EFCAB6: variants seen among roughly 807,000 people sequenced by gnomAD.
EFCAB6 encodes EF-hand calcium binding domain 6.
Under a neutral mutation model 169.8 loss-of-function variants are expected in EFCAB6, and 156 were observed. That is an observed-to-expected ratio of 0.92 (90% CI 0.81 to 1.05). EFCAB6 has a LOEUF of 1.05. Ranked by LOEUF, EFCAB6 falls within the 50% of genes least tolerant of loss-of-function variation. The pLI is 0.00. For missense variants in EFCAB6, 1,800 were observed against 1,829.1 expected (o/e 0.98, Z 0.29); for synonymous variants, 698 against 676.4 (o/e 1.03, Z -0.50).
rs1280746684 is a variant in EFCAB6, at chr22:43,537,747, G to C, written c.3880-202C>G. The stretch of plus-strand genomic sequence containing the variant: ...GGTGGGCTATATGTACTTATGCCAA[G>C]CCATAATAACCAAAATAATTTTGGA... On this transcript the variant is annotated intron_variant, in intron 28 of 31. Coordinates refer to ENST00000262726, the MANE Select transcript of EFCAB6 (RefSeq NM_022785.4). This position sits in a 1 kb window ranked among gnomAD's most constrained non-coding sequence, Gnocchi z 4.3. Among the ~76,000 whole-genome samples the C allele has an allele frequency of 2.0e-5, 3 of 152,114 alleles. No individual in the cohort carries two copies. The highest frequency in any genetic ancestry group is 7.2e-5 in the African/African-American group (3 of 41,414).
chr22:43,676,096 G>GA (rs1448301477), intron 13 of EFCAB6, among the ~76,000 whole-genome samples: 2 of 151,814 alleles, frequency 1.3e-5, no homozygotes, highest in African/African-American at 4.8e-5. Context: ...ACGTGAAGCT[G>GA]AAAAAATGGA....
At chr22:43,771,300 A>T (rs1450943864) in intron 4 of EFCAB6, among the ~76,000 whole-genome samples, 1 of 152,134 alleles carries the variant, frequency 6.6e-6, no homozygotes, top group Non-Finnish European at 1.5e-5. Flanking sequence ...GCATGGTGGC[A>T]CATGCCTGTA....
At chr22:43,595,803 A>G (rs1485389659) in intron 23 of EFCAB6, among the ~76,000 whole-genome samples, 1 of 152,158 alleles carries the variant, frequency 6.6e-6, no homozygotes, top group African/African-American at 2.4e-5. Flanking sequence ...CAAAAAGAAA[A>G]CTACAGGCCA....
At chr22:43,693,869 C>A (rs2147206025) in intron 10 of EFCAB6, among the ~76,000 whole-genome samples, 1 of 151,910 alleles carries the variant, frequency 6.6e-6, no homozygotes, top group Non-Finnish European at 1.5e-5. Context: ...ATTTTAAAAG[C>A]AATGTTTATA....
intron 8 of EFCAB6, among the ~76,000 whole-genome samples, chr22:43,723,915 C>T (rs1449242258): frequency 1.3e-5 from 2 of 152,232 alleles, no homozygotes; most frequent in East Asian, 3.8e-4. Flanking sequence ...TGCCAAAAAC[C>T]ATTCTGCCTT....
chr22:43,773,400 A>G (rs1216324556), intron 3 of EFCAB6, among the ~76,000 whole-genome samples: 1 of 152,272 alleles, frequency 6.6e-6, no homozygotes, highest in Non-Finnish European at 1.5e-5. Flanking sequence ...TATTGAAAGA[A>G]AATTTAGTCA....
chr22:43,630,729 C>T (rs971069098), intron 19 of EFCAB6, among the ~76,000 whole-genome samples: 1 of 152,178 alleles, frequency 6.6e-6, no homozygotes, highest in African/African-American at 2.4e-5. Flanking sequence ...CCACCCAGCT[C>T]GGCTCTCCTT....
chr22:43,683,815 T>A lies in EFCAB6; in HGVS notation c.1183A>T (p.Thr395Ser), dbSNP rs1169177205. Reference protein sequence around the residue: ...RNESHKENIITKLFRHTEDHS... With the variant: ...RNESHKENIISKLFRHTEDHS... Reference sequence around the variant, plus strand: ...TCTTCAGTGTGTCTAAATAACTTTGTGATGATGTTTTCCTTGTGAGATTCA... The same window carrying A: ...TCTTCAGTGTGTCTAAATAACTTTGAGATGATGTTTTCCTTGTGAGATTCA... Residue 395 changes from threonine (T) to serine (S), a missense_variant, in exon 12 of 32, where the codon ACA (threonine) becomes TCA (serine). Thr to Ser is a moderately conservative substitution (Grantham distance 58, BLOSUM62 1). Coordinates refer to ENST00000262726, the MANE Select transcript of EFCAB6 (RefSeq NM_022785.4). 6 of 1,613,512 alleles carry A rather than the reference T, an allele frequency of 3.7e-6. 1 individual carries two copies. Among genetic ancestry groups the A allele is most frequent in the African/African-American group, 2.7e-5 (2 of 74,914 alleles).
chr22:43,641,682 A>G (rs1033836645), intron 17 of EFCAB6, among the ~76,000 whole-genome samples: 4 of 151,578 alleles, frequency 2.6e-5, no homozygotes, highest in African/African-American at 7.3e-5. Flanking sequence ...ACACAAAAGG[A>G]TCCAGGAGGA....
intron 25 of EFCAB6, among the ~76,000 whole-genome samples, chr22:43,578,233 GC>G (rs2050389579): frequency 6.6e-6 from 1 of 152,076 alleles, no homozygotes; most frequent in Non-Finnish European, 1.5e-5. Flanking sequence ...GGAATCAGGA[GC>G]CCCACCTTGC....
At chr22:43,573,796 C>T (rs1336798300) in intron 26 of EFCAB6, among the ~76,000 whole-genome samples, 1 of 150,838 alleles carries the variant, frequency 6.6e-6, no homozygotes, top group East Asian at 1.9e-4. Context: ...ACTAGTTGTC[C>T]CAAGGGGTGA....
chr22:43,595,801 AAAC>A (rs1321173682), intron 23 of EFCAB6, among the ~76,000 whole-genome samples: 1 of 152,174 alleles, frequency 6.6e-6, no homozygotes, highest in Non-Finnish European at 1.5e-5. Context: ...ACCAAAAAGA[AAAC>A]TACAGGCCAA....
chr22:43,669,600 T>C (rs576538633), intron 15 of EFCAB6, among the ~76,000 whole-genome samples: 1 of 152,284 alleles, frequency 6.6e-6, no homozygotes, highest in Middle Eastern at 3.4e-3. Context: ...AAAGGGCATA[T>C]GGAAGATTTT....
At chr22:43,716,702 G>C in intron 9 of EFCAB6, 146 bp downstream of exon 9, 1 of 861,834 alleles carries the variant, frequency 1.2e-6, no homozygotes, top group Non-Finnish European at 1.6e-6. Flanking sequence ...CTGTTATTGG[G>C]AGGTAGAGGG....
intron 12 of EFCAB6, among the ~76,000 whole-genome samples, chr22:43,680,955 C>G (rs1405175252): frequency 2.0e-5 from 3 of 152,094 alleles, no homozygotes; most frequent in African/African-American, 7.2e-5. Flanking sequence ...CCTTTTATTT[C>G]TTTTTCTTTC....
At chr22:43,791,933 A>G (rs544735737) in intron 2 of EFCAB6, among the ~76,000 whole-genome samples, 2 of 152,324 alleles carry the variant, frequency 1.3e-5, no homozygotes, top group South Asian at 4.1e-4. Context: ...GAAACGCAGC[A>G]GGAGAGAAAG....
chr22:43,575,352 G>A (rs2050176771), intron 26 of EFCAB6, among the ~76,000 whole-genome samples: 1 of 135,774 alleles, frequency 7.4e-6, no homozygotes, highest in African/African-American at 2.8e-5. Flanking sequence ...CACCACATCC[G>A]GCTATGTTTT....
intron 26 of EFCAB6, among the ~76,000 whole-genome samples, chr22:43,574,908 G>A (rs1238576277): frequency 2.0e-5 from 3 of 152,194 alleles, no homozygotes; most frequent in Admixed American, 2.0e-4. Flanking sequence ...GAACTCTCCT[G>A]TACCACTGGT....
chr22:43,543,910 T>C (rs1835100981), intron 27 of EFCAB6, among the ~76,000 whole-genome samples: 1 of 152,116 alleles, frequency 6.6e-6, no homozygotes, highest in Non-Finnish European at 1.5e-5. Flanking sequence ...CTCCTAGTTC[T>C]AGACATTTCT....
Sources: gnomAD v4.1 joint callset for allele counts (sites outside exome capture counted in the v4.1 genomes callset) on GRCh38, gnomAD v4.1.1 for gene constraint, Gnocchi (gnomAD v3.1) non-coding constraint, MANE v1.5 for transcripts, NCBI Gene and HGNC (gene_info 2026-07-23, HGNC 2026-07-21) for gene names.